Variants in GNA12 observed in about 807,000 individuals in gnomAD.
GNA12 encodes G protein subunit alpha 12.
A neutral mutation model predicts 26.0 loss-of-function variants in GNA12; 9 were observed. That is an observed-to-expected ratio of 0.35 (90% CI 0.21 to 0.60). GNA12 has a LOEUF of 0.60. Ranked by LOEUF, GNA12 falls within the 20% of genes least tolerant of loss-of-function variation. GNA12 has a pLI of 0.78. For synonymous variants in GNA12, 264 were observed against 219.6 expected (o/e 1.20, Z -1.79); for missense variants, 405 against 525.8 (o/e 0.77, Z 2.25).
chr7:2,755,205 C>T (rs1249633289), intron 2 of GNA12, among the ~76,000 whole-genome samples: 1 of 152,210 alleles, frequency 6.6e-6, no homozygotes, highest in Non-Finnish European at 1.5e-5. Context: ...AGAGTGGCCC[C>T]TCCCACTTTA....
chr7:2,737,583 C>G (rs555717555), intron 2 of GNA12, among the ~76,000 whole-genome samples: 1 of 152,106 alleles, frequency 6.6e-6, no homozygotes, highest in Non-Finnish European at 1.5e-5. Flanking sequence ...GCCACAGCGC[C>G]CGGCCCTGTC....
chr7:2,803,183 A>C (rs1792855936), intron 1 of GNA12, among the ~76,000 whole-genome samples: 1 of 152,228 alleles, frequency 6.6e-6, no homozygotes, highest in Non-Finnish European at 1.5e-5. Flanking sequence ...ACGAGCAGAT[A>C]AGCGACAGTC....
At position 2,794,243 on chromosome 7, in the gene GNA12, G is replaced by A. The variant is rs116579032; in HGVS notation, c.525+685C>T. 1.3e-3 allele frequency among the ~76,000 whole-genome samples: 192 copies of A among 152,278 alleles called. 1 individual carries two copies. The highest frequency in any genetic ancestry group is 3.8e-3 in the African/African-American group (159 of 41,548). On this transcript the variant is annotated intron_variant, in intron 2 of 3. Transcript: ENST00000275364. ...TCAACTTGACTCTGGGTGCTAAGGG[G>A]GCAAACGGCTGTGAGAGTGAGAGGC...
Position 2,814,043 on chromosome 7 carries a change from G to A in GNA12, c.310-18900C>T, listed in dbSNP as rs560010295. Among the ~76,000 whole-genome samples the A allele has an allele frequency of 5.3e-5, 8 of 152,216 alleles. No homozygotes were observed. In the East Asian group the frequency reaches 1.5e-3, roughly 29 times the overall value. ...GAGCTTGGACATCTCATCCTCTCTTGCCCTGGGACTGGATGTCCACCATCG... is the reference window on the plus strand; with the variant it reads ...GAGCTTGGACATCTCATCCTCTCTTACCCTGGGACTGGATGTCCACCATCG... On this transcript the variant is annotated intron_variant, in intron 1 of 3. Transcript: ENST00000275364.
chr7:2,771,850 C>T (rs1003635340), intron 2 of GNA12, among the ~76,000 whole-genome samples: 1 of 152,138 alleles, frequency 6.6e-6, no homozygotes, highest in African/African-American at 2.4e-5. Context: ...TAAGAAAGTG[C>T]CCCGCTTTTC....
chr7:2,780,076 A>G (rs1041046135), intron 2 of GNA12, among the ~76,000 whole-genome samples: 8 of 130,986 alleles, frequency 6.1e-5, no homozygotes, highest in South Asian at 2.4e-4. Context: ...ATATATATAT[A>G]TATATATATA....
chr7:2,731,767 G>A lies in GNA12; in HGVS notation c.577-17C>T. On this transcript the variant is annotated splice_polypyrimidine_tract_variant and intron_variant, in intron 3 of 3. Coordinates refer to ENST00000275364, the MANE Select transcript of GNA12 (RefSeq NM_007353.3). This position sits in a 1 kb window ranked among gnomAD's most constrained non-coding sequence, Gnocchi z 6.0. ...AAAGTAATTCTGTAAAATACAGGAT[G>A]AGGCAGAAATTTAGGGGGAGGAAGA... The A allele has an allele frequency of 7.4e-7, 1 of 1,352,002 alleles. No individual in the cohort carries two copies. The highest frequency in any genetic ancestry group is 1.0e-6 in the Non-Finnish European group (1 of 1,002,764). 83.8% of individuals were successfully genotyped at this position (1,352,002 alleles called of 1,614,324 possible).
intron 2 of GNA12, among the ~76,000 whole-genome samples, chr7:2,770,039 G>T (rs945487820): frequency 6.6e-6 from 1 of 152,140 alleles, no homozygotes; most frequent in African/African-American, 2.4e-5. Context: ...AGATCATAGT[G>T]ACATGCAGAG....
intron 1 of GNA12, chr7:2,835,886 C>A: frequency 3.5e-6 from 2 of 565,364 alleles, no homozygotes; most frequent in Admixed American, 2.7e-5. Context: ...ATGTTAGAAG[C>A]AGCAAATAAA....
chr7:2,809,783 T>C (rs1238463197), intron 1 of GNA12, among the ~76,000 whole-genome samples: 1 of 152,210 alleles, frequency 6.6e-6, no homozygotes, highest in Admixed American at 6.5e-5. Context: ...TTTTCACACA[T>C]CTGTAAATAT....
intron 2 of GNA12, chr7:2,794,623 A>AAC (rs1435927337): frequency 2.7e-6 from 1 of 367,338 alleles, no homozygotes; most frequent in Non-Finnish European, 5.0e-6. Context: ...TCCTACTATG[A>AAC]ACAAGATCTC....
At chr7:2,783,787 C>A (rs868108408) in intron 2 of GNA12, among the ~76,000 whole-genome samples, 2 of 151,886 alleles carry the variant, frequency 1.3e-5, no homozygotes, top group African/African-American at 4.8e-5. Flanking sequence ...TGGATTCAAG[C>A]GATTCTCTTG....
At chr7:2,821,486 T>C (rs990136332) in intron 1 of GNA12, among the ~76,000 whole-genome samples, 1 of 152,166 alleles carries the variant, frequency 6.6e-6, no homozygotes, top group Non-Finnish European at 1.5e-5. Flanking sequence ...GCTTTAATCA[T>C]CCACTCAGGA....
intron 2 of GNA12, among the ~76,000 whole-genome samples, chr7:2,782,053 G>A (rs905743826): frequency 2.0e-5 from 3 of 152,208 alleles, no homozygotes; most frequent in African/African-American, 7.2e-5. Context: ...ATTAAATGGG[G>A]AAAGAGGAGA....
Position 2,812,988 on chromosome 7 carries a change from G to A in GNA12, c.310-17845C>T, listed in dbSNP as rs188743253. The stretch of plus-strand genomic sequence containing the variant: ...AGACAGAGTCTCGCTCTGTCGCCCA[G>A]GCTGCTGTGCTGTGGTGCAATCATG... On this transcript the variant is annotated intron_variant, in intron 1 of 3. Transcript: ENST00000275364. Among the ~76,000 whole-genome samples the A allele has an allele frequency of 2.0e-5, 3 of 152,302 alleles. No homozygotes were observed. In the East Asian group the frequency reaches 5.8e-4, roughly 29 times the overall value.
rs114032869 is a variant in GNA12, at chr7:2,790,630, T to A, written c.525+4298A>T. Among the ~76,000 whole-genome samples, 1,050 of 152,268 alleles carry A rather than the reference T, an allele frequency of 6.9e-3. 14 individuals carry two copies. Among genetic ancestry groups the A allele is most frequent in the African/African-American group, 0.023 (971 of 41,540 alleles). ...AGGATCCACACACCAAAGACACTGATATATCTATATCATACCATTCTAATT... is the reference window on the plus strand; with the variant it reads ...AGGATCCACACACCAAAGACACTGAAATATCTATATCATACCATTCTAATT... On this transcript the variant is annotated intron_variant, in intron 2 of 3. Coordinates refer to ENST00000275364, the MANE Select transcript of GNA12 (RefSeq NM_007353.3).
chr7:2,748,351 T>C (rs1232121358), intron 2 of GNA12, among the ~76,000 whole-genome samples: 10 of 152,052 alleles, frequency 6.6e-5, no homozygotes, highest in Admixed American at 6.6e-4. Flanking sequence ...TCAGAAATAA[T>C]GCTGCATATC....
At chr7:2,787,869 C>G (rs1327003152) in intron 2 of GNA12, among the ~76,000 whole-genome samples, 1 of 152,150 alleles carries the variant, frequency 6.6e-6, no homozygotes, top group Non-Finnish European at 1.5e-5. Context: ...AAAACAAATG[C>G]CAGGGCCGGG....
intron 2 of GNA12, among the ~76,000 whole-genome samples, chr7:2,773,994 G>A (rs561347010): frequency 1.3e-5 from 2 of 152,316 alleles, no homozygotes; most frequent in Admixed American, 1.3e-4. Context: ...GCGACGAGAA[G>A]GAGCCAGTAA....
Sources: allele counts gnomAD v4.1 joint callset (sites outside exome capture counted in the v4.1 genomes callset), GRCh38; gene constraint gnomAD v4.1.1; non-coding constraint Gnocchi (gnomAD v3.1); transcripts MANE v1.5; gene names NCBI Gene and HGNC (gene_info 2026-07-23, HGNC 2026-07-21).